CERT1: variants seen among roughly 807,000 people sequenced by gnomAD.
CERT1 encodes the protein ceramide transfer protein.
A neutral mutation model predicts 87.9 loss-of-function variants in CERT1; 31 were observed. The observed-to-expected ratio is 0.35, with a 90% CI of 0.27 to 0.48. The LOEUF (loss-of-function observed/expected upper bound fraction) is 0.48. Ranked by LOEUF, CERT1 falls within the 20% of genes least tolerant of loss-of-function variation. CERT1 has a pLI of 0.99. For missense variants in CERT1, 487 were observed against 758.0 expected (o/e 0.64, Z 4.20); for synonymous variants, 289 against 250.9 (o/e 1.15, Z -1.44).
intron 8 of CERT1, 91 bp from the exon 9 acceptor site, chr5:75,403,149 A>C (rs567505687): frequency 3.7e-6 from 3 of 812,392 alleles, no homozygotes; most frequent in Non-Finnish European, 6.4e-6. Context: ...TTGAAAATTG[A>C]CCTAATAAAC....
At chr5:75,442,726 A>G (rs560478269) in intron 3 of CERT1, among the ~76,000 whole-genome samples, 1 of 152,160 alleles carries the variant, frequency 6.6e-6, no homozygotes, top group Non-Finnish European at 1.5e-5. Context: ...AAAATAGGTG[A>G]GTATAGCACA....
intron 3 of CERT1, among the ~76,000 whole-genome samples, chr5:75,439,546 C>G (rs1184392213): frequency 6.6e-6 from 1 of 152,040 alleles, no homozygotes; most frequent in African/African-American, 2.4e-5. Flanking sequence ...TCCACCTAAA[C>G]TACATTGTCT....
Position 75,469,421 on chromosome 5 carries a change from C to A in CERT1, c.232-10240G>T, listed in dbSNP as rs80127473. 2.1e-3 allele frequency among the ~76,000 whole-genome samples: 315 copies of A among 152,134 alleles called. 1 individual carries two copies. In the East Asian group the frequency reaches 0.027, roughly 13 times the overall value. On this transcript the variant is annotated intron_variant, in intron 2 of 16. Coordinates refer to ENST00000643780, the MANE Select transcript of CERT1 (RefSeq NM_001379029.1). The stretch of plus-strand genomic sequence containing the variant: ...CAAAGAATAAGAACAGAAAACTTTG[C>A]AAACCTGGATTCAAAATTTGGTAAA...
At chr5:75,476,416 C>G (rs781640614) in intron 2 of CERT1, among the ~76,000 whole-genome samples, 1 of 152,096 alleles carries the variant, frequency 6.6e-6, no homozygotes, top group Non-Finnish European at 1.5e-5. Flanking sequence ...TGTCACTCCT[C>G]TGTTCAAAGT....
intron 11 of CERT1, among the ~76,000 whole-genome samples, chr5:75,391,121 C>T (rs1762014173): frequency 6.6e-6 from 1 of 152,164 alleles, no homozygotes; most frequent in African/African-American, 2.4e-5. Flanking sequence ...TGCACCACCA[C>T]ATCCAGTTAA....
intron 3 of CERT1, among the ~76,000 whole-genome samples, chr5:75,429,123 A>G (rs949620972): frequency 1.3e-5 from 2 of 150,530 alleles, no homozygotes; most frequent in African/African-American, 4.9e-5. Flanking sequence ...TCCAGCCTAC[A>G]GTACATAAAA....
chr5:75,477,263 T>C (rs763140770), intron 2 of CERT1, among the ~76,000 whole-genome samples: 1 of 152,320 alleles, frequency 6.6e-6, no homozygotes, highest in South Asian at 2.1e-4. Context: ...ATTTTGATAC[T>C]GCTTATTGGC....
chr5:75,452,948 C>A (rs1176162493), intron 3 of CERT1, among the ~76,000 whole-genome samples: 1 of 152,114 alleles, frequency 6.6e-6, no homozygotes, highest in East Asian at 1.9e-4. Context: ...AATTACTGGT[C>A]TGGTATACAT....
At chr5:75,505,853 G>GA (rs1290064027) in intron 2 of CERT1, 129 bp downstream of exon 2, 1 of 610,022 alleles carries the variant, frequency 1.6e-6, no homozygotes, top group Non-Finnish European at 2.7e-6. Context: ...AAAAGTATTA[G>GA]AATGTATATT....
chr5:75,480,678 T>C (rs114929267), intron 2 of CERT1, among the ~76,000 whole-genome samples: 5,012 of 152,264 alleles, frequency 0.033, 102 homozygotes, highest in Non-Finnish European at 0.047. Context: ...TAATCCAAAA[T>C]TGATCATCTG....
rs1358370536 is a variant in CERT1 at position 75,426,389 on chromosome 5, T to C, written c.438A>G (p.Thr146=). ...LVSGASGYSA[T]STSSFKKGHS... ...TACACACCTTGAATGAAGAGGTGGA[T>C]GTTGCAGAGTAGCCACTTGCTCCAG... is the stretch of plus-strand genomic sequence containing the variant. The change falls in exon 4 of 17, where the codon ACA becomes ACG. Residue 146 remains threonine, a synonymous_variant. Coordinates refer to ENST00000643780, the MANE Select transcript of CERT1 (RefSeq NM_001379029.1). 1.2e-6 allele frequency: 2 copies of C among 1,613,254 alleles called. No homozygotes were observed. The highest frequency in any genetic ancestry group is 1.3e-5 in the African/African-American group (1 of 75,016).
chr5:75,429,279 G>A (rs1461930711), intron 3 of CERT1, among the ~76,000 whole-genome samples: 1 of 151,714 alleles, frequency 6.6e-6, no homozygotes, highest in Non-Finnish European at 1.5e-5. Context: ...TCGGCTCACT[G>A]CCACCTCTGT....
Position 75,452,574 on chromosome 5 carries a change from G to T in CERT1, c.348+6491C>A, listed in dbSNP as rs188017124. On this transcript the variant is annotated intron_variant, in intron 3 of 16. Transcript: ENST00000643780. ...AATCACATGTATTCTAATTGTAGAA[G>T]ATTCTGAAAATAATCCTATAATTTA... Among the ~76,000 whole-genome samples the T allele has an allele frequency of 3.2e-3, 491 of 152,120 alleles. 3 individuals carry two copies. Among genetic ancestry groups the T allele is most frequent in the Middle Eastern group, 0.01 (3 of 294 alleles).
At chr5:75,376,097 T>G (rs1170081815), downstream of CERT1, 1 of 152,232 alleles carries the variant, frequency 6.6e-6, no homozygotes, top group Non-Finnish European at 1.5e-5. Context: ...ATGAAAAATC[T>G]GTGAACATAC....
rs566126889 is a variant in CERT1, at chr5:75,447,338, C to T, written c.348+11727G>A. On this transcript the variant is annotated intron_variant, in intron 3 of 16. Coordinates refer to ENST00000643780, the MANE Select transcript of CERT1 (RefSeq NM_001379029.1). ...TGCCATCTTCCCCAAATCCTATCTCCATCCATAATGTTTTTGAAGGAAAAG... is the reference window on the plus strand; with the variant it reads ...TGCCATCTTCCCCAAATCCTATCTCTATCCATAATGTTTTTGAAGGAAAAG... 2.0e-5 allele frequency among the ~76,000 whole-genome samples: 3 copies of T among 152,074 alleles called. No individual in the cohort carries two copies. In the South Asian group the frequency reaches 6.2e-4, roughly 32 times the overall value.
rs1477860806 is a variant in CERT1 at position 75,496,644 on chromosome 5, A to G, written c.231+9338T>C. Among the ~76,000 whole-genome samples the G allele has an allele frequency of 2.6e-5, 4 of 152,252 alleles. No homozygotes were observed. The East Asian group carries it at 5.8e-4, about 22-fold the overall frequency. Reference sequence around the variant, plus strand: ...AGTGAAACAGTATTCAGCAATAAAAAGCAACAAGTTAAGAATACATGTAAC... The same window carrying G: ...AGTGAAACAGTATTCAGCAATAAAAGGCAACAAGTTAAGAATACATGTAAC... On this transcript the variant is annotated intron_variant, in intron 2 of 16. Coordinates refer to ENST00000643780, the MANE Select transcript of CERT1 (RefSeq NM_001379029.1).
intron 3 of CERT1, among the ~76,000 whole-genome samples, chr5:75,437,456 A>G (rs1764143583): frequency 6.6e-6 from 1 of 152,170 alleles, no homozygotes; most frequent in African/African-American, 2.4e-5. Flanking sequence ...TATATACTGT[A>G]TAAATAATTC....
chr5:75,434,001 T>C (rs1763979517), intron 3 of CERT1, among the ~76,000 whole-genome samples: 1 of 152,184 alleles, frequency 6.6e-6, no homozygotes, highest in Non-Finnish European at 1.5e-5. Context: ...TGACTTATCG[T>C]TCTGGCTAAG....
At chr5:75,416,267 C>T (rs577913046) in intron 7 of CERT1, among the ~76,000 whole-genome samples, 1 of 152,138 alleles carries the variant, frequency 6.6e-6, no homozygotes, top group African/African-American at 2.4e-5. Context: ...TGTTTCAACT[C>T]TAACATTTTA....
Sources: gnomAD v4.1 joint callset for allele counts (sites outside exome capture counted in the v4.1 genomes callset) on GRCh38, gnomAD v4.1.1 for gene constraint, MANE v1.5 for transcripts, NCBI Gene and HGNC (gene_info 2026-07-23, HGNC 2026-07-21) for gene names.